Variants in OXSR1 observed in about 807,000 individuals in gnomAD.
OXSR1 encodes the protein oxidative stress responsive kinase 1, also known as serine/threonine-protein kinase OSR1.
Under a neutral mutation model 79.8 loss-of-function variants are expected in OXSR1, and 24 were observed. The ratio of observed to expected loss-of-function variants is 0.30; its 90% confidence interval spans 0.22 to 0.42. OXSR1 has a LOEUF of 0.42. Ranked by LOEUF, OXSR1 falls within the 10% of genes least tolerant of loss-of-function variation. The probability of loss-of-function intolerance (pLI) is 1.00; values close to 1 mark genes in which losing one functional copy is unlikely to be tolerated. For missense variants in OXSR1, 430 were observed against 618.4 expected, an observed-to-expected ratio of 0.70 and a Z score of 3.23; for synonymous variants, 226 against 209.2, an observed-to-expected ratio of 1.08 and a Z score of -0.69.
At chr3:38,218,150 C>A (rs374388771) in intron 5 of OXSR1, among the ~76,000 whole-genome samples, 1 of 151,958 alleles carries the variant, frequency 6.6e-6, no homozygotes, top group Non-Finnish European at 1.5e-5. Context: ...ATTGCTGGAT[C>A]GTATAGTTAT....
intron 5 of OXSR1, 128 bp downstream of exon 5, chr3:38,216,279 G>A: frequency 1.6e-6 from 1 of 613,142 alleles, no homozygotes; most frequent in Non-Finnish European, 2.9e-6. Flanking sequence ...TCCTCTGTTG[G>A]CATGTCATAG....
intron 13 of OXSR1, 57 bp from the exon 14 acceptor site, chr3:38,247,611 G>T: frequency 1.6e-6 from 2 of 1,256,514 alleles, no homozygotes; most frequent in Non-Finnish European, 2.3e-6. Flanking sequence ...GTGACCATTA[G>T]TCACCTCCCC....
At chr3:38,224,733 TC>T in intron 8 of OXSR1, 29 bp downstream of exon 8, 5 of 1,461,758 alleles carry the variant, frequency 3.4e-6, no homozygotes, top group Non-Finnish European at 4.7e-6. Flanking sequence ...TCTACTTTTC[TC>T]TCTAATAAAA....
intron 4 of OXSR1, among the ~76,000 whole-genome samples, chr3:38,213,214 G>T (rs1317538935): frequency 6.6e-6 from 1 of 152,162 alleles, no homozygotes; most frequent in Non-Finnish European, 1.5e-5. Flanking sequence ...AGTCTTCTCA[G>T]CATCACTGAT....
chr3:38,168,132 T>C (rs886127989), intron 1 of OXSR1, among the ~76,000 whole-genome samples: 3 of 152,210 alleles, frequency 2.0e-5, no homozygotes, highest in African/African-American at 7.2e-5. Context: ...AAGTGGTCCA[T>C]GGTTTTTAAA....
intron 4 of OXSR1, among the ~76,000 whole-genome samples, chr3:38,211,574 C>A (rs928090113): frequency 1.9e-4 from 29 of 152,160 alleles, no homozygotes; most frequent in Middle Eastern, 3.4e-3. Flanking sequence ...CCTGTCTAAC[C>A]TTTGGTAAGC....
In OXSR1 at chr3:38,179,822, T is replaced by C. The variant is rs78543099; in HGVS notation, c.71-3181T>C. 9.2e-3 allele frequency among the ~76,000 whole-genome samples: 1,377 copies of C among 149,994 alleles called. 13 individuals are homozygous for C. The highest frequency in any genetic ancestry group is 0.01 in the Non-Finnish European group (686 of 67,188). ...TTGGAAATAATCTTTTTTTTTTTTT[T>C]CCCCAAAATAGAATCTTGCTCTGTT... On this transcript the variant is annotated intron_variant, in intron 1 of 17. Transcript: ENST00000311806.
At position 38,246,117 on chromosome 3, in the gene OXSR1, C is replaced by T; in HGVS notation, c.1153C>T (p.Pro385Ser). ...TCCTGTGGGTACTTTGCTCCAAGTT[C>T]CAGAACAGATCTCTGCTCATCTACC... The part of the protein sequence containing the change: ...TDPVGTLLQV[P>S]EQISAHLPQP... Residue 385 changes from proline (P) to serine (S), a missense_variant, in exon 13 of 18, where the codon CCA becomes TCA. This residue lies in a region of OXSR1 where 276 missense variants were observed against 354.2 expected (regional missense o/e 0.78). Transcript: ENST00000311806. 1 of 1,613,760 alleles carries T rather than the reference C, an allele frequency of 6.2e-7. No individual in the cohort carries two copies.
intron 4 of OXSR1, among the ~76,000 whole-genome samples, chr3:38,202,264 G>T (rs1261826651): frequency 6.6e-6 from 1 of 152,222 alleles, no homozygotes; most frequent in African/African-American, 2.4e-5. Context: ...GATTGTCTCT[G>T]TGATTGTTAA....
chr3:38,208,858 C>T (rs1303860153), intron 4 of OXSR1, among the ~76,000 whole-genome samples: 3 of 152,182 alleles, frequency 2.0e-5, no homozygotes, highest in East Asian at 1.9e-4. Context: ...GCTGAGATTG[C>T]GTCACTGCAC....
At chr3:38,221,487 T>C (rs1165436923) in intron 5 of OXSR1, 91 bp from the exon 6 acceptor site, 4 of 692,200 alleles carry the variant, frequency 5.8e-6, no homozygotes, top group East Asian at 5.3e-5. Context: ...TTTTTATTTA[T>C]ATATAGGATG....
At chr3:38,229,584 A>G (rs2125841770) in intron 8 of OXSR1, 103 bp from the exon 9 acceptor site, 1 of 862,178 alleles carries the variant, frequency 1.2e-6, no homozygotes, top group East Asian at 2.5e-5. Flanking sequence ...CTGAGTTTTT[A>G]TTTTGCTGTT....
At chr3:38,230,978 C>T (rs890002225) in intron 10 of OXSR1, among the ~76,000 whole-genome samples, 1 of 152,138 alleles carries the variant, frequency 6.6e-6, no homozygotes, top group Non-Finnish European at 1.5e-5. Context: ...ACTCTTACTT[C>T]TCTGCTCAAG....
chr3:38,190,092 A>G (rs766902757), intron 2 of OXSR1, among the ~76,000 whole-genome samples: 4 of 152,122 alleles, frequency 2.6e-5, no homozygotes, highest in Non-Finnish European at 5.9e-5. Context: ...CTGAGGCACA[A>G]TAGGGTTAAA....
In OXSR1 at chr3:38,230,822, A is replaced by G. The variant is rs1176058972; in HGVS notation, c.951+392A>G. The G allele has an allele frequency of 1.7e-5, 3 of 173,044 alleles. No homozygotes were observed. The Admixed American group carries it at 1.8e-4, about 11-fold the overall frequency. The allele number at this position is 173,044 out of a possible 1,614,324, so 10.7% of individuals were successfully genotyped here. ...AGACTGAAAGAACTTTATTACGCATATGTAATTTCTAAGAAGTTTGGTCAT... is the reference window on the plus strand; with the variant it reads ...AGACTGAAAGAACTTTATTACGCATGTGTAATTTCTAAGAAGTTTGGTCAT... On this transcript the variant is annotated intron_variant, in intron 10 of 17. Coordinates refer to ENST00000311806, the MANE Select transcript of OXSR1 (RefSeq NM_005109.3).
intron 1 of OXSR1, among the ~76,000 whole-genome samples, chr3:38,178,148 G>A (rs1479542615): frequency 6.6e-6 from 1 of 151,972 alleles, no homozygotes; most frequent in African/African-American, 2.4e-5. Flanking sequence ...ACAGGGATTC[G>A]CCATGTTGGC....
At chr3:38,239,324 A>T (rs1702981353) in intron 11 of OXSR1, among the ~76,000 whole-genome samples, 1 of 151,988 alleles carries the variant, frequency 6.6e-6, no homozygotes, top group African/African-American at 2.4e-5. Flanking sequence ...AAACATTGTA[A>T]TTTTCACCTT....
intron 15 of OXSR1, 100 bp from the exon 16 acceptor site, chr3:38,251,303 C>T: frequency 2.2e-6 from 2 of 916,424 alleles, no homozygotes; most frequent in Non-Finnish European, 3.6e-6. Flanking sequence ...TAGCATCCAG[C>T]TTGGGCCTAG....
At chr3:38,248,637 T>C (rs1191872619) in intron 14 of OXSR1, among the ~76,000 whole-genome samples, 1 of 152,190 alleles carries the variant, frequency 6.6e-6, no homozygotes, top group Non-Finnish European at 1.5e-5. Flanking sequence ...TTTAAGAGAA[T>C]GTGGTAAGGA....
Sources: allele counts gnomAD v4.1 joint callset (sites outside exome capture counted in the v4.1 genomes callset), GRCh38; gene constraint gnomAD v4.1.1; regional missense constraint gnomAD v4.1.1; transcripts MANE v1.5; gene names NCBI Gene and HGNC (gene_info 2026-07-23, HGNC 2026-07-21).